RCN3: variants seen among roughly 807,000 people sequenced by gnomAD.
The protein encoded by RCN3 is reticulocalbin 3, also known as reticulocalbin-3.
In RCN3, 41 loss-of-function variants were observed where a neutral mutation model predicts 35.9. The observed-to-expected ratio is 1.14, with a 90% confidence interval of 0.89 to 1.48. The LOEUF (loss-of-function observed/expected upper bound fraction) is 1.48. Ranked by LOEUF, RCN3 falls within the 40% of genes most tolerant of loss-of-function variation. The probability of loss-of-function intolerance (pLI) is 0.00; values close to 1 mark genes in which losing one functional copy is unlikely to be tolerated. For synonymous variants in RCN3, 187 were observed against 193.4 expected, an observed-to-expected ratio of 0.97 and a Z score of 0.27; for missense variants, 451 against 471.3, an observed-to-expected ratio of 0.96 and a Z score of 0.40.
intron 5 of RCN3, 50 bp downstream of exon 5, chr19:49,539,229 G>C (rs1179908256): frequency 6.8e-7 from 1 of 1,479,218 alleles, no homozygotes; most frequent in Admixed American, 1.9e-5. Flanking sequence ...TCTCAGGCAT[G>C]GGCAGGGTTG....
At position 49,543,257 on chromosome 19, in the gene RCN3, G is replaced by T; in HGVS notation, c.*44G>T. 1 of 1,500,386 alleles carries T rather than the reference G, an allele frequency of 6.7e-7. No individual in the cohort carries two copies. Among genetic ancestry groups the T allele is most frequent in the South Asian group, 1.1e-5 (1 of 87,382 alleles). 92.9% of individuals were successfully genotyped at this position (1,500,386 alleles called of 1,614,324 possible). ...AGCCTCAGAGGCCCGCACAATGACC[G>T]GAGGAGGGGCCGCTGTGGTCTGGCC... On this transcript the variant is annotated 3_prime_UTR_variant, in exon 7 of 7. Coordinates refer to ENST00000270645, the MANE Select transcript of RCN3 (RefSeq NM_020650.3).
Position 49,543,169 on chromosome 19 carries a change from A to G in RCN3, c.943A>G (p.Thr315Ala), listed in dbSNP as rs763846299. The G allele has an allele frequency of 1.2e-6, 2 of 1,614,058 alleles. No homozygotes were observed. Among genetic ancestry groups the G allele is most frequent in the Non-Finnish European group, 1.7e-6 (2 of 1,179,986 alleles). The change falls in exon 7 of 7, where the codon ACC becomes GCC. Residue 315 changes from threonine (T) to alanine (A), a missense_variant. Physicochemically the swap from Thr to Ala is moderately conservative, Grantham distance 58 (BLOSUM62 0). Transcript: ENST00000270645. Reference protein sequence around the residue: ...NWNMFVGSQATNYGEDLTRHH... With the variant: ...NWNMFVGSQAANYGEDLTRHH... ...GAACATGTTTGTGGGCAGTCAGGCC[A>G]CCAACTATGGCGAGGACCTGACCCG...
chr19:49,529,928 G>C (rs995799669), intron 2 of RCN3, among the ~76,000 whole-genome samples: 9 of 147,452 alleles, frequency 6.1e-5, no homozygotes, highest in Non-Finnish European at 1.5e-5. Flanking sequence ...AGCTAATTTT[G>C]TATTTTTATT....
At chr19:49,531,378 C>T (rs552704573) in intron 2 of RCN3, among the ~76,000 whole-genome samples, 5 of 152,270 alleles carry the variant, frequency 3.3e-5, no homozygotes, top group African/African-American at 1.2e-4. Context: ...TTTGGGAGTC[C>T]AAAGCGGGCG....
intron 3 of RCN3, among the ~76,000 whole-genome samples, chr19:49,536,137 C>T (rs1268962260): frequency 2.0e-5 from 3 of 150,176 alleles, no homozygotes; most frequent in African/African-American, 4.9e-5. Flanking sequence ...CAGGCATGCG[C>T]CACCACGCCT....
At chr19:49,539,632 C>T (rs1039571824) in intron 5 of RCN3, among the ~76,000 whole-genome samples, 20 of 152,070 alleles carry the variant, frequency 1.3e-4, no homozygotes, top group Non-Finnish European at 1.8e-4. Flanking sequence ...ACAATACCCC[C>T]TGAGTTCTGA....
intron 4 of RCN3, 66 bp downstream of exon 4, chr19:49,537,271 C>T (rs2080141006): frequency 7.1e-7 from 1 of 1,412,042 alleles, no homozygotes. Flanking sequence ...CGGTTCAGGT[C>T]CTGCTTCCCA....
chr19:49,528,631 G>A lies in RCN3; in HGVS notation c.159G>A (p.Gln53=). The change falls in exon 2 of 7, where the codon CAG becomes CAA. Residue 53 remains glutamine (Q), a synonymous_variant. Coordinates refer to ENST00000270645, the MANE Select transcript of RCN3 (RefSeq NM_020650.3). The part of the protein sequence containing the change: ...APHDDAHGNF[Q]YDHEAFLGRE... Reference sequence around the variant, plus strand: ...ATGATGACGCCCACGGGAACTTCCAGTACGACCATGAGGCTTTCCTGGGAC... The same window carrying A: ...ATGATGACGCCCACGGGAACTTCCAATACGACCATGAGGCTTTCCTGGGAC... The A allele has an allele frequency of 6.2e-7, 1 of 1,612,422 alleles. No individual in the cohort carries two copies.
In RCN3 at chr19:49,542,688, C is replaced by A; in HGVS notation, c.815C>A (p.Pro272His). ...AGTGAGGTGGGCCACTGGGTGCTGC[C>A]CCCTGCCCAGGACCAGCCCCTGGTG... ...DGSEVGHWVL[P>H]PAQDQPLVEA... is the part of the protein sequence containing the mutation. Residue 272 changes from proline to histidine, a missense_variant, in exon 6 of 7, where the codon CCC becomes CAC. Transcript: ENST00000270645. 6.3e-7 allele frequency: 1 copy of A among 1,597,328 alleles called. No homozygotes were observed. Among genetic ancestry groups the A allele is most frequent in the Non-Finnish European group, 8.5e-7 (1 of 1,173,494 alleles).
At chr19:49,542,386 G>GT (rs1465548230) in intron 5 of RCN3, among the ~76,000 whole-genome samples, 167 bp from the exon 6 acceptor site, 1 of 152,200 alleles carries the variant, frequency 6.6e-6, no homozygotes, top group Non-Finnish European at 1.5e-5. Flanking sequence ...TATAAGTCAG[G>GT]TTTTGTTACT....
At chr19:49,539,301 C>A in intron 5 of RCN3, 122 bp downstream of exon 5, 1 of 704,850 alleles carries the variant, frequency 1.4e-6, no homozygotes, top group Non-Finnish European at 2.4e-6. Context: ...GACATGGGGG[C>A]AGGGGCACTC....
rs1316138121 is a variant in RCN3 at position 49,534,214 on chromosome 19, C to A, written c.264C>A (p.Asp88Glu). 4 of 1,490,716 alleles carry A rather than the reference C, an allele frequency of 2.7e-6. No individual in the cohort carries two copies. Among genetic ancestry groups the A allele is most frequent in the Non-Finnish European group, 3.6e-6 (4 of 1,125,330 alleles). 92.3% of individuals were successfully genotyped at this position (1,490,716 alleles called of 1,614,324 possible). ...CTAGGCGGATCGTGGACCGCATGGA[C>A]CGCGCGGGGGACGGCGACGGCTGGG... ...ARLGRIVDRMDRAGDGDGWVS... is the reference protein window; with the variant it reads ...ARLGRIVDRMERAGDGDGWVS... Residue 88 changes from aspartate to glutamate, a missense_variant, in exon 3 of 7, where the codon GAC (aspartate) becomes GAA (glutamate). By Grantham distance (45) the Asp-to-Glu change is conservative (BLOSUM62 2). Transcript: ENST00000270645.
intron 2 of RCN3, among the ~76,000 whole-genome samples, chr19:49,531,910 C>T (rs1210660773): frequency 3.3e-5 from 5 of 151,758 alleles, no homozygotes; most frequent in Admixed American, 1.3e-4. Flanking sequence ...ATGCCATTCT[C>T]CTGCCTCAGC....
At chr19:49,538,422 C>T (rs574764750) in intron 4 of RCN3, among the ~76,000 whole-genome samples, 23 of 151,920 alleles carry the variant, frequency 1.5e-4, no homozygotes, top group African/African-American at 5.6e-4. Flanking sequence ...CCACCTCGGC[C>T]TTCCAAAGTG....
intron 2 of RCN3, among the ~76,000 whole-genome samples, chr19:49,533,627 A>C (rs1568709228): frequency 7.1e-6 from 1 of 141,258 alleles, no homozygotes; most frequent in Non-Finnish European, 1.5e-5. Context: ...GGGAGCAGGC[A>C]GGGGAAAGCC....
Position 49,528,459 on chromosome 19 carries a change from C to T in RCN3, c.-6-8C>T, listed in dbSNP as rs747838640. 56 of 1,479,718 alleles carry T rather than the reference C, an allele frequency of 3.8e-5. No homozygotes were observed. The highest frequency in any genetic ancestry group is 4.8e-5 in the Non-Finnish European group (54 of 1,114,834). 91.7% of individuals were successfully genotyped at this position (1,479,718 alleles called of 1,614,324 possible). ...GACCCCTGACCCCTGGCCTTTGCCA[C>T]TCCCCAGGGACCGATGATGTGGCGA... On this transcript the variant is annotated splice_polypyrimidine_tract_variant and splice_region_variant and intron_variant, in intron 1 of 6. Coordinates refer to ENST00000270645, the MANE Select transcript of RCN3 (RefSeq NM_020650.3).
intron 4 of RCN3, 124 bp from the exon 5 acceptor site, chr19:49,538,995 C>A: frequency 1.6e-6 from 1 of 619,350 alleles, no homozygotes; most frequent in Non-Finnish European, 2.8e-6. Context: ...GCTCTACTGC[C>A]TGCCTCCCAC....
chr19:49,530,817 G>A (rs764793877), intron 2 of RCN3, among the ~76,000 whole-genome samples: 31 of 152,132 alleles, frequency 2.0e-4, no homozygotes, highest in Admixed American at 3.3e-4. Context: ...TTTAAACAGG[G>A]AACTTGGACA....
intron 5 of RCN3, 100 bp downstream of exon 5, chr19:49,539,279 C>A (rs1489689136): frequency 1.3e-5 from 12 of 889,296 alleles, no homozygotes; most frequent in Non-Finnish European, 1.9e-5. Context: ...CATCAGAGAA[C>A]AGTGGCCCTC....
Sources: gnomAD v4.1 joint callset for allele counts (sites outside exome capture counted in the v4.1 genomes callset) on GRCh38, gnomAD v4.1.1 for gene constraint, MANE v1.5 for transcripts, NCBI Gene and HGNC (gene_info 2026-07-23, HGNC 2026-07-21) for gene names.